The following FILIP1 variants were observed in gnomAD, a reference collection of about 807,000 sequenced individuals.
FILIP1 encodes the protein filamin-A-interacting protein 1.
Under a neutral mutation model 102.1 loss-of-function variants are expected in FILIP1, and 61 were observed. The observed-to-expected ratio is 0.60, with a 90% CI of 0.49 to 0.74. The LOEUF is 0.74. FILIP1 is among the 30% of genes least tolerant of loss of function. The pLI, the probability that FILIP1 is intolerant of heterozygous loss-of-function variation, is 0.00. For synonymous variants in FILIP1, 491 were observed against 526.9 expected (o/e 0.93, Z 0.93); for missense variants, 1,314 against 1,441.2 (o/e 0.91, Z 1.43).
At chr6:75,463,273 A>G (rs1008220869) in intron 1 of FILIP1, among the ~76,000 whole-genome samples, 7 of 152,214 alleles carry the variant, frequency 4.6e-5, no homozygotes, top group Non-Finnish European at 1.0e-4. Flanking sequence ...AAAATTTCAT[A>G]TATTCAACAT....
rs1446865944 is a variant in FILIP1 at position 75,315,182 on chromosome 6, T to C, written c.650A>G (p.Gln217Arg). The C allele has an allele frequency of 6.4e-7, 1 of 1,551,886 alleles. No individual in the cohort carries two copies. The highest frequency in any genetic ancestry group is 8.7e-7 in the Non-Finnish European group (1 of 1,154,916). Residue 217 changes from glutamine (Q) to arginine (R), a missense_variant, in exon 5 of 6, where the codon CAA (glutamine) becomes CGA (arginine). This residue lies in a region of FILIP1 where 494 missense variants were observed against 511.2 expected (regional missense o/e 0.97). Transcript: ENST00000237172. ...TTTGCGGGCTTGATAAGCCTTTTCT[T>C]GTTCAAGGAGCTTTTTTAACCTAGA... ...ERERLKKLLE[Q>R]EKAYQARKEK... is the part of the protein sequence containing the mutation.
rs553129757 is a variant in FILIP1 at position 75,418,185 on chromosome 6, A to G, written c.-6-3207T>C. ...TGCACTCCAGCCTGGGCGACAGAGC[A>G]AGACTCCGTCTCAAAAAAGAGAAAA... On this transcript the variant is annotated intron_variant, in intron 1 of 5. Transcript: ENST00000237172. Among the ~76,000 whole-genome samples the G allele has an allele frequency of 2.6e-5, 4 of 152,316 alleles. No individual in the cohort carries two copies. The East Asian group carries it at 7.7e-4, about 29-fold the overall frequency.
intron 4 of FILIP1, among the ~76,000 whole-genome samples, chr6:75,316,934 C>A (rs1370349244): frequency 6.6e-6 from 1 of 152,132 alleles, no homozygotes; most frequent in East Asian, 1.9e-4. Context: ...CATAAAATAC[C>A]ATTTTCAAAT....
chr6:75,402,314 G>A (rs1382444228), intron 2 of FILIP1, among the ~76,000 whole-genome samples: 1 of 152,148 alleles, frequency 6.6e-6, no homozygotes, highest in African/African-American at 2.4e-5. Flanking sequence ...ATTCAGCAAA[G>A]AATCAGATCT....
chr6:75,417,579 T>C (rs904126865), intron 1 of FILIP1, among the ~76,000 whole-genome samples: 6 of 152,204 alleles, frequency 3.9e-5, no homozygotes, highest in Non-Finnish European at 7.3e-5. Flanking sequence ...CTTCATATTT[T>C]TAATAGCTCT....
chr6:75,291,982 GGAA>G (rs1360070551), exon 7 of FILIP1: 1 of 152,122 alleles, frequency 6.6e-6, no homozygotes, highest in Non-Finnish European at 1.5e-5. Context: ...AGTTGACTTT[GGAA>G]GTAACAGAGA....
chr6:75,330,345 T>C (rs1191517394), intron 4 of FILIP1, among the ~76,000 whole-genome samples: 1 of 152,096 alleles, frequency 6.6e-6, no homozygotes, highest in Admixed American at 6.6e-5. Flanking sequence ...TTGAGCTTTG[T>C]TTTTGTTTTG....
chr6:75,455,560 A>G (rs1002247168), intron 1 of FILIP1, among the ~76,000 whole-genome samples: 1 of 152,090 alleles, frequency 6.6e-6, no homozygotes, highest in Non-Finnish European at 1.5e-5. Flanking sequence ...GTGGGGGGAA[A>G]ATTTTTAAAG....
chr6:75,406,449 A>C (rs1776848279), intron 2 of FILIP1, among the ~76,000 whole-genome samples: 1 of 152,006 alleles, frequency 6.6e-6, no homozygotes, highest in Non-Finnish European at 1.5e-5. Context: ...CCTCCTTTGT[A>C]TTCCTGTAAT....
chr6:75,325,587 T>A (rs1481322469), intron 4 of FILIP1, among the ~76,000 whole-genome samples: 1 of 152,062 alleles, frequency 6.6e-6, no homozygotes, highest in African/African-American at 2.4e-5. Context: ...AGGACATGAA[T>A]AGACAATTCT....
intron 2 of FILIP1, among the ~76,000 whole-genome samples, chr6:75,403,525 A>G (rs1017224447): frequency 6.9e-5 from 1 of 14,426 alleles, no homozygotes; most frequent in Admixed American, 4.9e-4. Flanking sequence ...AAAAAAAAAA[A>G]AAAAAGAAAA....
chr6:75,419,565 G>C (rs925599926), intron 1 of FILIP1, among the ~76,000 whole-genome samples: 4 of 152,096 alleles, frequency 2.6e-5, no homozygotes, highest in Non-Finnish European at 4.4e-5. Flanking sequence ...ATTTTACAAG[G>C]TGGCCTGGCA....
At chr6:75,304,443 T>C (rs570235106), downstream of FILIP1, among the ~76,000 whole-genome samples, 48 of 152,266 alleles carry the variant, frequency 3.2e-4, no homozygotes, top group African/African-American at 1.1e-3. Context: ...CTCAAACTCC[T>C]GAGCTCTAGT....
At chr6:75,412,155 G>C (rs181600779) in intron 2 of FILIP1, among the ~76,000 whole-genome samples, 1 of 152,224 alleles carries the variant, frequency 6.6e-6, no homozygotes, top group Non-Finnish European at 1.5e-5. Context: ...TGTATTTCTA[G>C]ATATTTTACT....
intron 2 of FILIP1, among the ~76,000 whole-genome samples, chr6:75,402,117 C>A (rs1776679430): frequency 6.6e-6 from 1 of 151,890 alleles, no homozygotes; most frequent in Admixed American, 6.6e-5. Context: ...TTTTACATTT[C>A]TCAATAAAAC....
chr6:75,483,002 T>A (rs1288763690), intron 1 of FILIP1, among the ~76,000 whole-genome samples: 1 of 150,988 alleles, frequency 6.6e-6, no homozygotes, highest in East Asian at 2.0e-4. Flanking sequence ...ATTATAAGAA[T>A]CTTTCACTTT....
At chr6:75,467,659 A>T (rs1412249204) in intron 1 of FILIP1, among the ~76,000 whole-genome samples, 1 of 152,194 alleles carries the variant, frequency 6.6e-6, no homozygotes. Flanking sequence ...CCCACTAGAA[A>T]TCTCAAAATT....
chr6:75,437,899 G>C (rs2998392), intron 1 of FILIP1, among the ~76,000 whole-genome samples: 101,277 of 152,110 alleles, frequency 0.67, 34,248 homozygotes, highest in African/African-American at 0.77. Context: ...ATCATTAACT[G>C]TTGCATTTTT....
intron 1 of FILIP1, among the ~76,000 whole-genome samples, chr6:75,484,410 TTTTAAAGTACTGTCTTTTAAAGTAC>T (rs1338936557): frequency 3.7e-3 from 15 of 4,032 alleles, no homozygotes; most frequent in Non-Finnish European, 0.011. Flanking sequence ...TTTAAAGTAC[TTTTAAAGTACTGTCTTTTAAAGTAC>T]TTTTAAAGTA....
Sources: gnomAD v4.1 joint callset for allele counts (sites outside exome capture counted in the v4.1 genomes callset) on GRCh38, gnomAD v4.1.1 for gene constraint, gnomAD v4.1.1 regional missense constraint, MANE v1.5 for transcripts, NCBI Gene and HGNC (gene_info 2026-07-23, HGNC 2026-07-21) for gene names.